The following ZZEF1 variants were observed in gnomAD, a reference collection of about 807,000 sequenced individuals.
The protein encoded by ZZEF1 is zinc finger ZZ-type and EF-hand domain containing 1.
A neutral mutation model predicts 342.8 loss-of-function variants in ZZEF1; 157 were observed. That is an observed-to-expected ratio of 0.46 (90% CI 0.40 to 0.52). The LOEUF (loss-of-function observed/expected upper bound fraction) is 0.52, where lower values mean the gene tolerates loss of function less well. ZZEF1 is among the 20% of genes least tolerant of loss of function. The pLI, the probability that ZZEF1 is intolerant of heterozygous loss-of-function variation, is 0.00. For missense variants in ZZEF1, 3,480 were observed against 3,725.6 expected (o/e 0.93, Z 1.72); for synonymous variants, 1,505 against 1,429.1 (o/e 1.05, Z -1.20).
At chr17:4,135,128 C>T (rs2058728426) in intron 1 of ZZEF1, among the ~76,000 whole-genome samples, 1 of 152,222 alleles carries the variant, frequency 6.6e-6, no homozygotes, top group African/African-American at 2.4e-5. Context: ...GGGCGCTGAT[C>T]ACCCCAGATC....
intron 9 of ZZEF1, among the ~76,000 whole-genome samples, chr17:4,097,185 C>T (rs1413805775): frequency 1.3e-5 from 2 of 150,624 alleles, no homozygotes; most frequent in Admixed American, 6.6e-5. Flanking sequence ...GGCGTGAACC[C>T]GGGAGGCGGA....
intron 39 of ZZEF1, among the ~76,000 whole-genome samples, chr17:4,035,565 C>T (rs2056641972): frequency 6.6e-6 from 1 of 152,184 alleles, no homozygotes; most frequent in South Asian, 2.1e-4. Flanking sequence ...AATGCCCAGG[C>T]CTCTGGAGTT....
In ZZEF1 at chr17:4,009,753, G is replaced by C; in HGVS notation, c.8584C>G (p.Leu2862Val). ...GGCTTCAACAGCGCAAGGTCACACA[G>C]GTCACTGCAGGAGGAGCCCCGGAGG... ...RIVRCCGHSD[L>V]CDLALLKPLW... Residue 2862 changes from leucine (L) to valine (V), a missense_variant, in exon 53 of 55, where the codon CTG becomes GTG. Transcript: ENST00000381638. The C allele has an allele frequency of 6.2e-7, 1 of 1,614,002 alleles. No individual in the cohort carries two copies. Among genetic ancestry groups the C allele is most frequent in the Non-Finnish European group, 8.5e-7 (1 of 1,179,966 alleles).
intron 46 of ZZEF1, among the ~76,000 whole-genome samples, chr17:4,018,390 C>T (rs1368685492): frequency 6.6e-6 from 1 of 152,072 alleles, no homozygotes; most frequent in Non-Finnish European, 1.5e-5. Context: ...GCTGCGATTA[C>T]AGGCTCATAC....
rs771969079 is a variant in ZZEF1 at position 4,075,367 on chromosome 17, A to G, written c.3297T>C (p.Ser1099=). 6.2e-7 allele frequency: 1 copy of G among 1,614,268 alleles called. No homozygotes were observed. The highest frequency in any genetic ancestry group is 1.1e-5 in the South Asian group (1 of 91,090). ...GGCAATTATTTTCATAGTTGTGGGC[A>G]GATTCCTTCGTCCACGTATGTAACA... is the stretch of plus-strand genomic sequence containing the variant. ...PVVLHTWTKE[S]AHNYENNCHE... Residue 1099 remains serine, a synonymous_variant, in exon 22 of 55, where the codon TCT becomes TCC. Transcript: ENST00000381638.
rs567705176 is a variant in ZZEF1, at chr17:4,040,118, G to A, written c.6306+2311C>T. 3.1e-3 allele frequency among the ~76,000 whole-genome samples: 476 copies of A among 152,232 alleles called. 1 individual carries two copies. Among genetic ancestry groups the A allele is most frequent in the Non-Finnish European group, 4.6e-3 (314 of 68,012 alleles). On this transcript the variant is annotated intron_variant, in intron 39 of 54. Coordinates refer to ENST00000381638, the MANE Select transcript of ZZEF1 (RefSeq NM_015113.4). ...GACTTCTCATCGGTTGTTCTAGATGGTGGAAGACTATGCAGCAATGTCACA... is the reference window on the plus strand; with the variant it reads ...GACTTCTCATCGGTTGTTCTAGATGATGGAAGACTATGCAGCAATGTCACA...
At chr17:4,048,521 C>T (rs193044164) in intron 37 of ZZEF1, among the ~76,000 whole-genome samples, 1 of 152,300 alleles carries the variant, frequency 6.6e-6, no homozygotes, top group Admixed American at 6.5e-5. Flanking sequence ...CAATGGCGTG[C>T]TCTTCCATAA....
intron 11 of ZZEF1, among the ~76,000 whole-genome samples, chr17:4,093,840 T>C (rs982623493): frequency 6.6e-6 from 1 of 152,156 alleles, no homozygotes; most frequent in Admixed American, 6.5e-5. Context: ...AACTCACTAG[T>C]AGCAATAGGG....
Position 4,105,701 on chromosome 17 carries a change from C to T in ZZEF1, c.1386G>A (p.Arg462=), listed in dbSNP as rs774405112. The T allele has an allele frequency of 1.9e-6, 3 of 1,611,752 alleles. No individual in the cohort carries two copies. Among genetic ancestry groups the T allele is most frequent in the Non-Finnish European group, 2.5e-6 (3 of 1,178,358 alleles). ...VLEEVDSFLI[R]ITSCCSTPEV... ...ATCAGCCTTGATTTTACCTAGTTAT[C>T]CTTATGAGGAAACTGTCCACTTCTT... Residue 462 remains arginine, a synonymous_variant, in exon 7 of 55, where the codon AGG becomes AGA. Coordinates refer to ENST00000381638, the MANE Select transcript of ZZEF1 (RefSeq NM_015113.4).
At chr17:4,062,641 G>T (rs1343557341) in intron 30 of ZZEF1, 112 bp downstream of exon 30, 2 of 1,232,160 alleles carry the variant, frequency 1.6e-6, no homozygotes, top group South Asian at 3.5e-5. Context: ...AACCAAAAAC[G>T]TACATTTGTA....
intron 46 of ZZEF1, 90 bp from the exon 47 acceptor site, chr17:4,018,061 G>C: frequency 3.9e-6 from 6 of 1,531,972 alleles, no homozygotes; most frequent in Non-Finnish European, 5.3e-6. Context: ...GTTCTTCAGA[G>C]TTGTTCTTCT....
intron 23 of ZZEF1, 87 bp from the exon 24 acceptor site, chr17:4,074,438 TCA>T: frequency 7.3e-7 from 1 of 1,373,918 alleles, no homozygotes; most frequent in Non-Finnish European, 1.0e-6. Flanking sequence ...GAGAAACATC[TCA>T]GTTTAAAATT....
chr17:4,016,218 G>GA lies in ZZEF1; in HGVS notation c.8145+104dup. On this transcript the variant is annotated intron_variant, in intron 49 of 54. Coordinates refer to ENST00000381638, the MANE Select transcript of ZZEF1 (RefSeq NM_015113.4). The surrounding 1 kb of genome is among the most constrained non-coding windows in gnomAD (Gnocchi z 4.4). ...TGGACAGGTCTCTGCTGTCCAGCGG[G>GA]AGAGAGCCACAGAGGGGCTGAGCAT... is the stretch of plus-strand genomic sequence containing the variant. 5.0e-6 allele frequency: 7 copies of GA among 1,387,866 alleles called. No individual in the cohort carries two copies. Among genetic ancestry groups the GA allele is most frequent in the East Asian group, 2.3e-5 (1 of 43,652 alleles). The allele number at this position is 1,387,866 out of a possible 1,614,324, so 86.0% of individuals were successfully genotyped here.
rs1034305656 is a variant in ZZEF1 at position 4,054,210 on chromosome 17, A to G, written c.5296-15T>C. On this transcript the variant is annotated splice_polypyrimidine_tract_variant and intron_variant, in intron 33 of 54. Transcript: ENST00000381638. ...AACATGTGCATCTGTAAGGCCAAAC[A>G]TATACAATTAACTGATAGATTTTCT... 1.7e-5 allele frequency: 27 copies of G among 1,606,654 alleles called. No individual in the cohort carries two copies. Among genetic ancestry groups the G allele is most frequent in the Non-Finnish European group, 2.2e-5 (26 of 1,175,702 alleles).
At chr17:4,031,010 C>A (rs2056529433) in intron 42 of ZZEF1, among the ~76,000 whole-genome samples, 1 of 151,932 alleles carries the variant, frequency 6.6e-6, no homozygotes, top group African/African-American at 2.4e-5. Context: ...GAAACCCCAT[C>A]TCTACTAAAA....
chr17:4,071,062 C>T (rs2057499604), intron 25 of ZZEF1, 138 bp from the exon 26 acceptor site: 4 of 988,610 alleles, frequency 4.0e-6, no homozygotes, highest in Non-Finnish European at 5.8e-6. Flanking sequence ...TTTAGGAAGA[C>T]CAGACAGAGA....
rs908146004 is a variant in ZZEF1, at chr17:4,017,223, C to G, written c.8001+148G>C. 13 of 1,144,234 alleles carry G rather than the reference C, an allele frequency of 1.1e-5. No homozygotes were observed. Among genetic ancestry groups the G allele is most frequent in the Non-Finnish European group, 1.6e-5 (13 of 827,522 alleles). The allele number at this position is 1,144,234 out of a possible 1,614,324, so 70.9% of individuals were successfully genotyped here. A position where few individuals can be genotyped will look rare whatever the true frequency, so the allele number is the denominator to read the frequency against. On this transcript the variant is annotated intron_variant, in intron 48 of 54. Transcript: ENST00000381638. This position sits in a 1 kb window ranked among gnomAD's most constrained non-coding sequence, Gnocchi z 5.1. ...CTAGCCCAATCCTTGGGAGAGGATACAGTGACCCTACCTTTGCTGCATTCA... is the reference window on the plus strand; with the variant it reads ...CTAGCCCAATCCTTGGGAGAGGATAGAGTGACCCTACCTTTGCTGCATTCA...
chr17:4,124,524 C>T (rs1164399130), intron 1 of ZZEF1, among the ~76,000 whole-genome samples: 1 of 152,110 alleles, frequency 6.6e-6, no homozygotes, highest in Non-Finnish European at 1.5e-5. Flanking sequence ...GTCAGTGCAA[C>T]CTCCGCCTCC....
At chr17:4,133,651 AC>A in intron 1 of ZZEF1, among the ~76,000 whole-genome samples, 1 of 151,216 alleles carries the variant, frequency 6.6e-6, no homozygotes, top group Non-Finnish European at 1.5e-5. Flanking sequence ...TTCCCACACA[AC>A]TCCTGCTGTG....
Sources: gnomAD v4.1 joint callset for allele counts (sites outside exome capture counted in the v4.1 genomes callset) on GRCh38, gnomAD v4.1.1 for gene constraint, Gnocchi (gnomAD v3.1) non-coding constraint, MANE v1.5 for transcripts, NCBI Gene and HGNC (gene_info 2026-07-23, HGNC 2026-07-21) for gene names.